SPTBN1: variants seen among roughly 807,000 people sequenced by gnomAD.
SPTBN1 encodes spectrin beta, non-erythrocytic 1, also known as spectrin beta chain, non-erythrocytic 1.
SPTBN1 carries 32 observed loss-of-function variants against 266.4 expected under a neutral mutation model. That is an observed-to-expected ratio of 0.12 (90% CI 0.09 to 0.16). The LOEUF is 0.16. Among genes scored for constraint, SPTBN1 ranks in the 10% least tolerant of loss-of-function variants. The probability of loss-of-function intolerance (pLI) is 1.00; values close to 1 mark genes in which losing one functional copy is unlikely to be tolerated. For missense variants in SPTBN1, 2,296 were observed against 3,067.1 expected (o/e 0.75, Z 5.94); for synonymous variants, 1,336 against 1,162.2 (o/e 1.15, Z -3.04).
At chr2:54,491,318 T>C (rs1668672885) in intron 1 of SPTBN1, among the ~76,000 whole-genome samples, 3 of 152,178 alleles carry the variant, frequency 2.0e-5, no homozygotes. Flanking sequence ...GGATTGAAGG[T>C]CACATTTTCT....
At chr2:54,537,896 A>G (rs575748407) in intron 2 of SPTBN1, among the ~76,000 whole-genome samples, 12 of 152,354 alleles carry the variant, frequency 7.9e-5, no homozygotes, top group African/African-American at 2.6e-4. Flanking sequence ...GCTTTACTCA[A>G]ATGTCTAGAG....
intron 5 of SPTBN1, 63 bp downstream of exon 5, chr2:54,616,361 T>A: frequency 2.1e-6 from 3 of 1,458,248 alleles, no homozygotes; most frequent in South Asian, 1.2e-5. Flanking sequence ...ACTGCAGTCA[T>A]CACTTAGAAG....
rs1289640430 is a variant in SPTBN1 at position 54,565,484 on chromosome 2, C to T, written c.149-33608C>T. 3.3e-5 allele frequency among the ~76,000 whole-genome samples: 5 copies of T among 152,140 alleles called. No homozygotes were observed. In the East Asian group the frequency reaches 9.6e-4, roughly 29 times the overall value. On this transcript the variant is annotated intron_variant, in intron 2 of 35. Transcript: ENST00000356805. Reference sequence around the variant, plus strand: ...GGGGTCAGTTACCTGCCTCAGTTCTCCCACAGTTGGCTCAAGAGCCACTAT... The same window carrying T: ...GGGGTCAGTTACCTGCCTCAGTTCTTCCACAGTTGGCTCAAGAGCCACTAT...
intron 2 of SPTBN1, among the ~76,000 whole-genome samples, chr2:54,582,489 A>G (rs1214786238): frequency 6.6e-6 from 1 of 150,948 alleles, no homozygotes; most frequent in Non-Finnish European, 1.5e-5. Flanking sequence ...GCGTGAATCC[A>G]GGAGGCGGAG....
At position 54,658,046 on chromosome 2, in the gene SPTBN1, A is replaced by G; in HGVS notation, c.6243A>G (p.Thr2081=). The G allele has an allele frequency of 1.2e-6, 2 of 1,614,262 alleles. No homozygotes were observed. The highest frequency in any genetic ancestry group is 2.2e-5 in the South Asian group (2 of 91,086). ...TCTCTGCCCTGGAAAGGCTGACTACAGTAAGTGGCCGCTGGGCCCTTTGTC... is the reference window on the plus strand; with the variant it reads ...TCTCTGCCCTGGAAAGGCTGACTACGGTAAGTGGCCGCTGGGCCCTTTGTC... ...ERFSALERLT[T]LELLEVRRQQ... Residue 2081 remains threonine, a splice_region_variant and synonymous_variant, in exon 30 of 36, where the codon ACA becomes ACG. Coordinates refer to ENST00000356805, the MANE Select transcript of SPTBN1 (RefSeq NM_003128.3).
In SPTBN1 at chr2:54,645,534, C is replaced by A; in HGVS notation, c.4494+81C>A. ...AAAGCCCACATTCTCACTTCTCAGT[C>A]ATCCTCACCTTGGGCCACGTTGGCA... On this transcript the variant is annotated intron_variant, in intron 21 of 35. Coordinates refer to ENST00000356805, the MANE Select transcript of SPTBN1 (RefSeq NM_003128.3). The surrounding 1 kb of genome is among the most constrained non-coding windows in gnomAD (Gnocchi z 4.3). 6.8e-7 allele frequency: 1 copy of A among 1,462,992 alleles called. No homozygotes were observed. The highest frequency in any genetic ancestry group is 9.3e-7 in the Non-Finnish European group (1 of 1,073,256). 90.6% of individuals were successfully genotyped at this position (1,462,992 alleles called of 1,614,324 possible). A position where few individuals can be genotyped will look rare whatever the true frequency, so the allele number is the denominator to read the frequency against.
chr2:54,616,934 A>G (rs902751724), intron 5 of SPTBN1, among the ~76,000 whole-genome samples: 1 of 152,224 alleles, frequency 6.6e-6, no homozygotes, highest in African/African-American at 2.4e-5. Flanking sequence ...AATTCAGAAT[A>G]TGAAAATCAG....
Position 54,628,688 on chromosome 2 carries a change from T to G in SPTBN1, c.1799-245T>G, listed in dbSNP as rs1678517740. On this transcript the variant is annotated intron_variant, in intron 13 of 35. Transcript: ENST00000356805. This position sits in a 1 kb window ranked among gnomAD's most constrained non-coding sequence, Gnocchi z 4.3. ...TTTTCATATGATTCAAGTGCTTTCT[T>G]GCAGGAGGATGATCACTTTGTCTGC... is the stretch of plus-strand genomic sequence containing the variant. Among the ~76,000 whole-genome samples the G allele has an allele frequency of 6.6e-6, 1 of 152,214 alleles. No individual in the cohort carries two copies. The highest frequency in any genetic ancestry group is 2.1e-4 in the South Asian group (1 of 4,834).
chr2:54,528,947 G>A (rs13415931), intron 2 of SPTBN1, among the ~76,000 whole-genome samples: 3,002 of 152,244 alleles, frequency 0.02, 93 homozygotes, highest in African/African-American at 0.068. Context: ...GGTAATGAAG[G>A]AAATTATCTT....
intron 18 of SPTBN1, among the ~76,000 whole-genome samples, chr2:54,639,857 G>A (rs993599718): frequency 1.3e-5 from 2 of 152,180 alleles, no homozygotes; most frequent in Admixed American, 1.3e-4. Context: ...TTTGGGTGGG[G>A]CTTTTTATGT....
intron 7 of SPTBN1, among the ~76,000 whole-genome samples, chr2:54,619,792 G>T (rs1196722175): frequency 6.6e-6 from 1 of 152,178 alleles, no homozygotes. Flanking sequence ...CTGGGGTAGG[G>T]AACAGTAGCT....
In SPTBN1 at chr2:54,558,568, T is replaced by C. The variant is rs12987967; in HGVS notation, c.148+32002T>C. The C allele has an allele frequency of 0.18, 241,898 of 1,334,472 alleles. 22,596 individuals are homozygous for C. Among genetic ancestry groups the C allele is most frequent in the Non-Finnish European group, 0.19 (200,926 of 1,039,548 alleles). 82.7% of individuals were successfully genotyped at this position (1,334,472 alleles called of 1,614,324 possible). A position where few individuals can be genotyped will look rare whatever the true frequency, so the allele number is the denominator to read the frequency against. On this transcript the variant is annotated intron_variant, in intron 2 of 35. Transcript: ENST00000356805. The surrounding 1 kb of genome is among the most constrained non-coding windows in gnomAD (Gnocchi z 4.6). ...CCACGGAAGAAGGGAAAGCAAGAAA[T>C]TAGATGCCTGTGTGGTAACTCCTCG...
At chr2:54,609,389 T>G (rs188258271) in intron 3 of SPTBN1, among the ~76,000 whole-genome samples, 45 of 152,326 alleles carry the variant, frequency 3.0e-4, no homozygotes, top group Admixed American at 1.6e-3. Context: ...TGTCATAAAT[T>G]CTGTGAAGTC....
chr2:54,653,902 A>T lies in SPTBN1; in HGVS notation c.5822+49A>T, dbSNP rs777473544. 25 of 1,588,228 alleles carry T rather than the reference A, an allele frequency of 1.6e-5. No homozygotes were observed. The highest frequency in any genetic ancestry group is 2.1e-5 in the Non-Finnish European group (25 of 1,173,534). On this transcript the variant is annotated intron_variant, in intron 27 of 35. Coordinates refer to ENST00000356805, the MANE Select transcript of SPTBN1 (RefSeq NM_003128.3). This position sits in a 1 kb window ranked among gnomAD's most constrained non-coding sequence, Gnocchi z 5.1. ...ATTGGACTTATTGGCGCTTGGTTAA[A>T]ACACAGGAGTCTTCCAGAGAGAAGC... is the stretch of plus-strand genomic sequence containing the variant.
At position 54,664,969 on chromosome 2, in the gene SPTBN1, CTTCTT is replaced by C. The variant is rs1681278554; in HGVS notation, c.6659+280_6659+284del. On this transcript the variant is annotated intron_variant, in intron 33 of 35. Transcript: ENST00000356805. The surrounding 1 kb of genome is among the most constrained non-coding windows in gnomAD (Gnocchi z 5.6). ...ATTTGCTAGATTGAGACTGAAGAGT[CTTCTT>C]TACTTTAAGTGATTGATTTCATTTA... 1 of 388,930 alleles carries C rather than the reference CTTCTT, an allele frequency of 2.6e-6. No homozygotes were observed. The highest frequency in any genetic ancestry group is 3.6e-5 in the South Asian group (1 of 27,660). The allele number at this position is 388,930 out of a possible 1,614,324, so 24.1% of individuals were successfully genotyped here. A position where few individuals can be genotyped will look rare whatever the true frequency, so the allele number is the denominator to read the frequency against.
intron 17 of SPTBN1, among the ~76,000 whole-genome samples, chr2:54,635,456 CTCTT>C (rs1190295133): frequency 6.6e-6 from 1 of 152,366 alleles, no homozygotes; most frequent in East Asian, 1.9e-4. Flanking sequence ...AAATCCTTGC[CTCTT>C]TCTTCCCATC....
At chr2:54,566,265 C>T (rs889609236) in intron 2 of SPTBN1, among the ~76,000 whole-genome samples, 3 of 150,428 alleles carry the variant, frequency 2.0e-5, no homozygotes, top group East Asian at 2.0e-4. Context: ...CTCAGCTCAC[C>T]GCAACGTCCG....
chr2:54,518,166 C>T (rs1253747023), intron 1 of SPTBN1, among the ~76,000 whole-genome samples: 3 of 151,816 alleles, frequency 2.0e-5, no homozygotes, highest in African/African-American at 7.3e-5. Flanking sequence ...GGCACTAGCC[C>T]CATGTACCTG....
rs537029257 is a variant in SPTBN1, at chr2:54,626,039, C to T, written c.1449C>T (p.Ala483=). The T allele has an allele frequency of 7.4e-6, 12 of 1,614,144 alleles. No homozygotes were observed. The highest frequency in any genetic ancestry group is 2.2e-5 in the East Asian group (1 of 44,880). The change falls in exon 12 of 36, where the codon GCC becomes GCT. Residue 483 remains alanine, a synonymous_variant. Coordinates refer to ENST00000356805, the MANE Select transcript of SPTBN1 (RefSeq NM_003128.3). This position sits in a 1 kb window ranked among gnomAD's most constrained non-coding sequence, Gnocchi z 4.7. ...AYEERVQAVV[A]VARELEAENY... ...AGGAGCGTGTGCAGGCTGTGGTAGC[C>T]GTGGCCAGGGAGCTCGAGGCCGAGA...
Sources: gnomAD v4.1 joint callset for allele counts (sites outside exome capture counted in the v4.1 genomes callset) on GRCh38, gnomAD v4.1.1 for gene constraint, Gnocchi (gnomAD v3.1) non-coding constraint, MANE v1.5 for transcripts, NCBI Gene and HGNC (gene_info 2026-07-23, HGNC 2026-07-21) for gene names.